Variants in TAOK1 observed in about 807,000 individuals in gnomAD.
TAOK1 encodes TAO kinase 1.
TAOK1 carries 21 observed loss-of-function variants against 138.3 expected under a neutral mutation model. That is an observed-to-expected ratio of 0.15 (90% CI 0.11 to 0.22). The LOEUF is 0.22. Ranked by LOEUF, TAOK1 falls within the 10% of genes least tolerant of loss-of-function variation. The probability of loss-of-function intolerance (pLI) is 1.00; values close to 1 mark genes in which losing one functional copy is unlikely to be tolerated. For missense variants in TAOK1, 651 were observed against 1,227.7 expected, an observed-to-expected ratio of 0.53 and a Z score of 7.02; for synonymous variants, 361 against 398.4, an observed-to-expected ratio of 0.91 and a Z score of 1.12.
Position 29,510,930 on chromosome 17 carries a change from C to T in TAOK1, c.1642C>T (p.Leu548=), listed in dbSNP as rs769793361. The T allele has an allele frequency of 6.2e-7, 1 of 1,611,294 alleles. No individual in the cohort carries two copies. Among genetic ancestry groups the T allele is most frequent in the East Asian group, 2.2e-5 (1 of 44,618 alleles). Residue 548 remains leucine, a synonymous_variant, in exon 15 of 20, where the codon CTG becomes TTG. Coordinates refer to ENST00000261716, the MANE Select transcript of TAOK1 (RefSeq NM_020791.4). The part of the protein sequence containing the change: ...QHIQAQQKKE[L]NSFLESQKRE... ...TATTCAGGCCCAACAGAAGAAAGAA[C>T]TGAATAGTTTTCTCGAGTCCCAGAA...
chr17:29,508,881 T>C (rs2031670446), intron 14 of TAOK1, among the ~76,000 whole-genome samples: 1 of 152,192 alleles, frequency 6.6e-6, no homozygotes. Context: ...GGTGTCCCAT[T>C]GTTTTACTTT....
chr17:29,471,556 C>T (rs1323994361), intron 3 of TAOK1, among the ~76,000 whole-genome samples: 16 of 151,818 alleles, frequency 1.1e-4, no homozygotes, highest in Admixed American at 9.2e-4. Flanking sequence ...GAATTACAGG[C>T]GTGAGCCACC....
At chr17:29,425,963 C>G (rs1192877125) in intron 1 of TAOK1, among the ~76,000 whole-genome samples, 1 of 152,222 alleles carries the variant, frequency 6.6e-6, no homozygotes, top group African/African-American at 2.4e-5. Flanking sequence ...TCACTGCAAG[C>G]TCCGCCTTCT....
At chr17:29,460,733 G>C (rs1193127754) in intron 2 of TAOK1, among the ~76,000 whole-genome samples, 1 of 152,140 alleles carries the variant, frequency 6.6e-6, no homozygotes, top group African/African-American at 2.4e-5. Flanking sequence ...TAGAGGAAAG[G>C]TTGGCATGTA....
chr17:29,551,291 A>G lies in TAOK1; in HGVS notation c.*8269A>G, dbSNP rs879795381. On this transcript the variant is annotated 3_prime_UTR_variant, in exon 20 of 20. Coordinates refer to ENST00000261716, the MANE Select transcript of TAOK1 (RefSeq NM_020791.4). ...CTAGTTCCCTTTGGTGAAGGGAAAA[A>G]TGATGATTTTGCAAGACCTAGATTT... 6.6e-6 allele frequency: 1 copy of G among 152,134 alleles called. No homozygotes were observed. The highest frequency in any genetic ancestry group is 1.5e-5 in the Non-Finnish European group (1 of 68,018). 9.4% of individuals were successfully genotyped at this position (152,134 alleles called of 1,614,324 possible).
chr17:29,464,072 T>C (rs1026224895), intron 2 of TAOK1, among the ~76,000 whole-genome samples: 3 of 151,998 alleles, frequency 2.0e-5, no homozygotes, highest in African/African-American at 7.3e-5. Flanking sequence ...AATGGGCAAA[T>C]CTCTAGGGAC....
chr17:29,395,983 C>G (rs1033551275), intron 1 of TAOK1, among the ~76,000 whole-genome samples: 2 of 151,718 alleles, frequency 1.3e-5, no homozygotes, highest in Admixed American at 6.6e-5. Context: ...TCCGTACTTA[C>G]TATTAATGGT....
At chr17:29,528,311 G>A (rs2032045992) in intron 17 of TAOK1, among the ~76,000 whole-genome samples, 1 of 152,126 alleles carries the variant, frequency 6.6e-6, no homozygotes, top group South Asian at 2.1e-4. Context: ...GCCTCCCAAA[G>A]TGCTGGGATT....
rs561758068 is a variant in TAOK1 at position 29,409,536 on chromosome 17, T to C, written c.-95+18512T>C. Among the ~76,000 whole-genome samples the C allele has an allele frequency of 4.0e-5, 6 of 151,816 alleles. No homozygotes were observed. The South Asian group carries it at 1.2e-3, about 32-fold the overall frequency. ...TTTTAGTAGAGATGGGGTTTCACCA[T>C]GTTAGTCAGGATGGTCTCGATTTCC... On this transcript the variant is annotated intron_variant, in intron 1 of 19. Coordinates refer to ENST00000261716, the MANE Select transcript of TAOK1 (RefSeq NM_020791.4).
intron 19 of TAOK1, among the ~76,000 whole-genome samples, chr17:29,535,895 G>T (rs762598017): frequency 6.8e-4 from 104 of 151,866 alleles, no homozygotes; most frequent in Non-Finnish European, 1.3e-3. Flanking sequence ...ACCTAAATAA[G>T]ATATAAGATG....
intron 18 of TAOK1, among the ~76,000 whole-genome samples, chr17:29,531,765 A>G (rs536171932): frequency 2.2e-5 from 3 of 138,474 alleles, no homozygotes; most frequent in South Asian, 2.4e-4. Flanking sequence ...TCCGTCTCAG[A>G]AAAAAAAAAA....
At chr17:29,533,449 C>G (rs1235556980) in intron 18 of TAOK1, among the ~76,000 whole-genome samples, 1 of 151,920 alleles carries the variant, frequency 6.6e-6, no homozygotes, top group African/African-American at 2.4e-5. Flanking sequence ...GGCGGCCGGG[C>G]AGAGGCTGCA....
intron 17 of TAOK1, 60 bp downstream of exon 17, chr17:29,522,579 C>A: frequency 6.3e-7 from 1 of 1,590,982 alleles, no homozygotes; most frequent in South Asian, 1.2e-5. Context: ...TCCATGTAAG[C>A]AGGAAAAGTC....
At chr17:29,464,187 G>A (rs2153025339) in intron 2 of TAOK1, among the ~76,000 whole-genome samples, 1 of 151,994 alleles carries the variant, frequency 6.6e-6, no homozygotes, top group Non-Finnish European at 1.5e-5. Flanking sequence ...TGTAATCCCA[G>A]CACTATGGGA....
At chr17:29,425,124 C>T (rs575542451) in intron 1 of TAOK1, among the ~76,000 whole-genome samples, 1 of 152,278 alleles carries the variant, frequency 6.6e-6, no homozygotes, top group South Asian at 2.1e-4. Flanking sequence ...GGCTGGAGTG[C>T]AGTGGCACGA....
At position 29,550,361 on chromosome 17, in the gene TAOK1, A is replaced by G. The variant is rs1030676129; in HGVS notation, c.*7339A>G. On this transcript the variant is annotated 3_prime_UTR_variant, in exon 20 of 20. Coordinates refer to ENST00000261716, the MANE Select transcript of TAOK1 (RefSeq NM_020791.4). ...AAATGCTTTAGAGTTTTTTTAATTA[A>G]CACTTGTGTTGCTAAATTCTATTTA... The G allele has an allele frequency of 6.6e-6, 1 of 152,204 alleles. No homozygotes were observed. The highest frequency in any genetic ancestry group is 1.5e-5 in the Non-Finnish European group (1 of 68,036). 9.4% of individuals were successfully genotyped at this position (152,204 alleles called of 1,614,324 possible).
At chr17:29,442,878 G>T (rs1462685807) in intron 1 of TAOK1, among the ~76,000 whole-genome samples, 2 of 152,118 alleles carry the variant, frequency 1.3e-5, no homozygotes, top group Non-Finnish European at 2.9e-5. Context: ...CCAACATGGT[G>T]AAACCCCATC....
intron 1 of TAOK1, among the ~76,000 whole-genome samples, chr17:29,436,498 T>C (rs1377665365): frequency 6.6e-6 from 1 of 152,238 alleles, no homozygotes; most frequent in African/African-American, 2.4e-5. Flanking sequence ...TCCAAAGTTA[T>C]CTGAAGTCTG....
intron 1 of TAOK1, among the ~76,000 whole-genome samples, chr17:29,397,377 G>T (rs1414811083): frequency 6.6e-6 from 1 of 151,514 alleles, no homozygotes; most frequent in Admixed American, 6.6e-5. Context: ...GCCAAGGTGG[G>T]CAGAACACAA....
Sources: allele counts gnomAD v4.1 joint callset (sites outside exome capture counted in the v4.1 genomes callset), GRCh38; gene constraint gnomAD v4.1.1; transcripts MANE v1.5; gene names NCBI Gene and HGNC (gene_info 2026-07-23, HGNC 2026-07-21).